The following ZFYVE27 variants were observed in gnomAD, a reference collection of about 807,000 sequenced individuals.
The protein encoded by ZFYVE27 is zinc finger FYVE-type containing 27.
A neutral mutation model predicts 52.8 loss-of-function variants in ZFYVE27; 36 were observed. That is an observed-to-expected ratio of 0.68 (90% confidence interval 0.52 to 0.90). The LOEUF (loss-of-function observed/expected upper bound fraction) is 0.90. ZFYVE27 is among the 40% of genes least tolerant of loss of function. ZFYVE27 has a pLI of 0.00. For synonymous variants in ZFYVE27, 223 were observed against 215.6 expected (o/e 1.03, Z -0.30); for missense variants, 450 against 527.2 (o/e 0.85, Z 1.43).
At chr10:97,754,614 C>T (rs2047879329) in intron 10 of ZFYVE27, 1 of 1,274,282 alleles carries the variant, frequency 7.8e-7, no homozygotes, top group Admixed American at 2.4e-5. Context: ...CACGCCCGGC[C>T]CCTTTGTTTT....
At chr10:97,738,748 A>G in intron 2 of ZFYVE27, 74 bp downstream of exon 2, 2 of 1,558,880 alleles carry the variant, frequency 1.3e-6, no homozygotes, top group Non-Finnish European at 1.8e-6. Flanking sequence ...AACACTGACC[A>G]TTTAGGCAGT....
intron 4 of ZFYVE27, among the ~76,000 whole-genome samples, chr10:97,745,733 A>G (rs1355512418): frequency 6.6e-6 from 1 of 152,184 alleles, no homozygotes; most frequent in Non-Finnish European, 1.5e-5. Context: ...TATCATCACT[A>G]CACTGTGGAG....
intron 2 of ZFYVE27, chr10:97,738,961 C>T (rs1368122241): frequency 1.9e-5 from 8 of 419,510 alleles, no homozygotes; most frequent in Non-Finnish European, 3.5e-5. Flanking sequence ...AACATCACGC[C>T]TTCTACAGCT....
chr10:97,746,043 ATATATATATTTTT>A lies in ZFYVE27; in HGVS notation c.455+1130_455+1142del, dbSNP rs2045280551. Among the ~76,000 whole-genome samples, 10 of 55,530 alleles carry A rather than the reference ATATATATATTTTT, an allele frequency of 1.8e-4. No individual in the cohort carries two copies. In the South Asian group the frequency reaches 5.3e-3, roughly 29 times the overall value. The allele number at this position is 55,530 out of a possible 152,430, so 36.4% of individuals were successfully genotyped here. A position where few individuals can be genotyped will look rare whatever the true frequency, so the allele number is the denominator to read the frequency against. On this transcript the variant is annotated intron_variant, in intron 4 of 12. Transcript: ENST00000684270. Reference sequence around the variant, plus strand: ...TATATATACACATATATATATATATATATATATATTTTTTTTTTTTTTTGAGACAGAGTCTTGT... The same window carrying A: ...TATATATACACATATATATATATATATTTTTTTTTTGAGACAGAGTCTTGT...
In ZFYVE27 at chr10:97,748,310, C is replaced by T. The variant is rs1481898981; in HGVS notation, c.497C>T (p.Thr166Ile). The T allele has an allele frequency of 6.2e-7, 1 of 1,614,196 alleles. No homozygotes were observed. The highest frequency in any genetic ancestry group is 1.3e-5 in the African/African-American group (1 of 75,070). Residue 166 changes from threonine to isoleucine, a missense_variant, in exon 5 of 13, where the codon ACA (threonine) becomes ATA (isoleucine). Coordinates refer to ENST00000684270, the MANE Select transcript of ZFYVE27 (RefSeq NM_001385875.1). Reference protein sequence around the residue: ...LEAFLSRLCCTCEAAYRVLHW... With the variant: ...LEAFLSRLCCICEAAYRVLHW... ...GCCTTCCTGAGCCGCCTGTGCTGCA[C>T]ATGTGAAGCCGCCTACCGCGTGCTG... is the stretch of plus-strand genomic sequence containing the variant.
chr10:97,738,539 C>T lies in ZFYVE27; in HGVS notation c.62C>T (p.Ala21Val), dbSNP rs140812293. The T allele has an allele frequency of 5.4e-3, 8,711 of 1,614,172 alleles. 30 individuals are homozygous for T. The highest frequency in any genetic ancestry group is 6.6e-3 in the Non-Finnish European group (7,779 of 1,180,016). Residue 21 changes from alanine (A) to valine (V), a missense_variant, in exon 2 of 13, where the codon GCT becomes GTT. Transcript: ENST00000684270. ...PELSPSVMPE[A>V]PLESPPFPTK... ...CTGAGCCCCAGCGTGATGCCCGAGG[C>T]TCCCCTGGAGTCTCCACCTTTTCCT... is the stretch of plus-strand genomic sequence containing the variant.
chr10:97,746,277 G>T (rs942907897), intron 4 of ZFYVE27, among the ~76,000 whole-genome samples: 1 of 152,056 alleles, frequency 6.6e-6, no homozygotes, highest in African/African-American at 2.4e-5. Flanking sequence ...TCGAACTTCA[G>T]CCTCAGGTGA....
In ZFYVE27 at chr10:97,753,121, G is replaced by A. The variant is rs1162535242; in HGVS notation, c.981G>A (p.Leu327=). The part of the protein sequence containing the change: ...DNGFLSKNEV[L]RSKVSRLTER... ...GGTTCCTGAGCAAGAATGAGGTGCT[G>A]CGCAGCAAGGTGTCTCGGCTCACGG... The change falls in exon 10 of 13, where the codon CTG becomes CTA. Residue 327 remains leucine, a synonymous_variant. Transcript: ENST00000684270. The A allele has an allele frequency of 1.5e-5, 24 of 1,612,188 alleles. No homozygotes were observed. The highest frequency in any genetic ancestry group is 2.0e-5 in the Non-Finnish European group (24 of 1,179,436).
intron 6 of ZFYVE27, chr10:97,750,082 A>G (rs2046530151): frequency 5.6e-6 from 3 of 532,556 alleles, no homozygotes; most frequent in Admixed American, 3.1e-5. Flanking sequence ...TGGTAGAGTT[A>G]TTTATTACAG....
intron 7 of ZFYVE27, 34 bp downstream of exon 7, chr10:97,750,504 G>T: frequency 1.2e-6 from 2 of 1,612,466 alleles, no homozygotes; most frequent in Admixed American, 3.3e-5. Flanking sequence ...GCCTGCTGTG[G>T]CCGCTTGTGG....
rs2042340245 is a variant in ZFYVE27 at position 97,737,326 on chromosome 10, G to C, written c.-2+5G>C. 1 of 152,466 alleles carries C rather than the reference G, an allele frequency of 6.6e-6. No individual in the cohort carries two copies. The highest frequency in any genetic ancestry group is 2.1e-4 in the South Asian group (1 of 4,838). 9.4% of individuals were successfully genotyped at this position (152,466 alleles called of 1,614,324 possible). On this transcript the variant is annotated splice_donor_5th_base_variant and intron_variant, in intron 1 of 12. Coordinates refer to ENST00000684270, the MANE Select transcript of ZFYVE27 (RefSeq NM_001385875.1). ...CCTCACGGAGCCAGCGGCCGGGTAG[G>C]TGAGGTGCCGTCCCCCCGCGTCCCA...
chr10:97,750,195 G>T, intron 6 of ZFYVE27, 136 bp from the exon 7 acceptor site: 1 of 1,100,704 alleles, frequency 9.1e-7, no homozygotes, highest in East Asian at 2.5e-5. Flanking sequence ...TAGGTGACTC[G>T]CTCAGAGTTA....
In ZFYVE27 at chr10:97,750,388, A is replaced by G. The variant is rs138203252; in HGVS notation, c.722A>G (p.His241Arg). Residue 241 changes from histidine (H) to arginine (R), a missense_variant, in exon 7 of 13, where the codon CAT (histidine) becomes CGT (arginine). Transcript: ENST00000684270. ...QQRMNPKQEE[H>R]AFESPPPPDV... ...AGGATGAACCCAAAGCAGGAAGAGC[A>G]TGCCTTTGAGAGTCCTCCACCACCA... 2.6e-5 allele frequency: 42 copies of G among 1,614,074 alleles called. No homozygotes were observed. Among genetic ancestry groups the G allele is most frequent in the Admixed American group, 5.0e-5 (3 of 60,010 alleles).
intron 10 of ZFYVE27, among the ~76,000 whole-genome samples, chr10:97,756,137 C>T (rs1025234357): frequency 1.3e-5 from 2 of 152,166 alleles, no homozygotes; most frequent in Admixed American, 1.3e-4. Flanking sequence ...GTCCCATTCC[C>T]CTTGTGTCCC....
rs1590110918 is a variant in ZFYVE27, at chr10:97,757,440, T to C, written c.1089+129T>C. The C allele has an allele frequency of 2.9e-6, 4 of 1,398,810 alleles. No individual in the cohort carries two copies. In the East Asian group the frequency reaches 9.2e-5, roughly 32 times the overall value. 86.6% of individuals were successfully genotyped at this position (1,398,810 alleles called of 1,614,324 possible). A position where few individuals can be genotyped will look rare whatever the true frequency, so the allele number is the denominator to read the frequency against. On this transcript the variant is annotated intron_variant, in intron 11 of 12. Coordinates refer to ENST00000684270, the MANE Select transcript of ZFYVE27 (RefSeq NM_001385875.1). ...TGGGCCTGGCAGTGGCTTTCTGGAG[T>C]GAGTGTGCCCTCCCCTGCGCCTGTG...
At chr10:97,739,883 G>GTGTTTTTTTTTTTTT (rs1554886930) in intron 2 of ZFYVE27, among the ~76,000 whole-genome samples, 2 of 105,344 alleles carry the variant, frequency 1.9e-5, no homozygotes, top group African/African-American at 3.2e-5. Flanking sequence ...AGTTAGAAAA[G>GTGTTTTTTTTTTTTT]TGTTTTTTTT....
At chr10:97,749,627 T>C in intron 6 of ZFYVE27, 41 bp downstream of exon 6, 1 of 1,541,528 alleles carries the variant, frequency 6.5e-7, no homozygotes, top group Non-Finnish European at 9.0e-7. Flanking sequence ...CCAAGCTGGC[T>C]CTGAGGGCTA....
rs1185066535 is a variant in ZFYVE27, at chr10:97,760,013, AC to A, written c.*715del. On this transcript the variant is annotated 3_prime_UTR_variant, in exon 13 of 13. Coordinates refer to ENST00000684270, the MANE Select transcript of ZFYVE27 (RefSeq NM_001385875.1). ...CAGACCTCGGCCTCCCCTCGAAGAC[AC>A]CTCAATTCACAGACTCTCAGCCCAC... The A allele has an allele frequency of 1.3e-5, 2 of 154,122 alleles. No individual in the cohort carries two copies. Among genetic ancestry groups the A allele is most frequent in the Non-Finnish European group, 2.9e-5 (2 of 69,288 alleles). The allele number at this position is 154,122 out of a possible 1,614,324, so 9.5% of individuals were successfully genotyped here. A position where few individuals can be genotyped will look rare whatever the true frequency, so the allele number is the denominator to read the frequency against.
chr10:97,747,444 A>T (rs1042831601), intron 4 of ZFYVE27, among the ~76,000 whole-genome samples: 19 of 152,200 alleles, frequency 1.2e-4, no homozygotes, highest in African/African-American at 3.6e-4. Context: ...TCAGTTTATT[A>T]CTATGATGGT....
Sources: allele counts gnomAD v4.1 joint callset (sites outside exome capture counted in the v4.1 genomes callset), GRCh38; gene constraint gnomAD v4.1.1; transcripts MANE v1.5; gene names NCBI Gene and HGNC (gene_info 2026-07-23, HGNC 2026-07-21).